NR4A1: variants seen among roughly 807,000 people sequenced by gnomAD.
NR4A1 encodes nuclear receptor subfamily 4 group A member 1.
A neutral mutation model predicts 47.5 loss-of-function variants in NR4A1; 24 were observed. That is an observed-to-expected ratio of 0.50 (90% CI 0.37 to 0.71). The LOEUF (loss-of-function observed/expected upper bound fraction) is 0.71, where lower values mean the gene tolerates loss of function less well. NR4A1 is among the 30% of genes least tolerant of loss of function. The pLI is 0.00. For missense variants in NR4A1, 669 were observed against 788.6 expected, an observed-to-expected ratio of 0.85 and a Z score of 1.82; for synonymous variants, 353 against 345.7, an observed-to-expected ratio of 1.02 and a Z score of -0.24.
intron 1 of NR4A1, among the ~76,000 whole-genome samples, chr12:52,030,247 C>T (rs1218862109): frequency 6.6e-6 from 1 of 152,112 alleles, no homozygotes; most frequent in Non-Finnish European, 1.5e-5. Context: ...AGCTCTGCAG[C>T]AAGCCATGAA....
chr12:52,056,275 C>G, intron 3 of NR4A1, 116 bp downstream of exon 3: 2 of 1,445,732 alleles, frequency 1.4e-6, no homozygotes, highest in Non-Finnish European at 1.8e-6. Flanking sequence ...CTTATTTCCA[C>G]CCCACCTCTG....
In NR4A1 at chr12:52,054,959, C is replaced by G. The variant is rs372050806; in HGVS notation, c.631C>G (p.Pro211Ala). 1.2e-6 allele frequency: 2 copies of G among 1,614,204 alleles called. No homozygotes were observed. Among genetic ancestry groups the G allele is most frequent in the Middle Eastern group, 1.6e-4 (1 of 6,062 alleles). The change falls in exon 2 of 7, where the codon CCC becomes GCC. Residue 211 changes from proline to alanine, a missense_variant. Pro to Ala is a conservative substitution (Grantham distance 27, BLOSUM62 -1). Transcript: ENST00000394825. ...SLAQSPLKLF[P>A]SQATHQLGEG... ...GGCCCAGAGCCCCCTGAAGTTGTTC[C>G]CCTCACAGGCCACCCACCAGCTGGG...
chr12:52,037,702 G>A, intron 1 of NR4A1: 2 of 985,536 alleles, frequency 2.0e-6, no homozygotes, highest in African/African-American at 1.7e-5. Flanking sequence ...CCAGGCCAGA[G>A]AAATTCCTTC....
chr12:52,028,839 G>T (rs1317088632), intron 1 of NR4A1, among the ~76,000 whole-genome samples: 3 of 152,124 alleles, frequency 2.0e-5, no homozygotes, highest in African/African-American at 7.2e-5. Flanking sequence ...GGAAGCGGAG[G>T]TTGCAGTGAG....
chr12:52,043,579 C>T (rs921166712), intron 2 of NR4A1: 1 of 679,474 alleles, frequency 1.5e-6, no homozygotes. Context: ...GGGCTCCCGT[C>T]AGCTGACTAT....
chr12:52,044,224 G>A (rs1302998463), intron 2 of NR4A1, among the ~76,000 whole-genome samples: 3 of 152,220 alleles, frequency 2.0e-5, no homozygotes, highest in Admixed American at 6.5e-5. Context: ...TGGTCACTGC[G>A]GCGAGTTTGG....
chr12:52,048,028 C>T (rs954320515), upstream of NR4A1, among the ~76,000 whole-genome samples: 2 of 151,694 alleles, frequency 1.3e-5, no homozygotes, highest in Non-Finnish European at 2.9e-5. Context: ...GTGGCAGGCA[C>T]CTGTCGTCCC....
chr12:52,045,884 C>A (rs1389253936), intron 2 of NR4A1, among the ~76,000 whole-genome samples: 1 of 152,186 alleles, frequency 6.6e-6, no homozygotes, highest in Non-Finnish European at 1.5e-5. Context: ...CCACGGGAAG[C>A]CCCCAGGGCA....
chr12:52,033,031 G>C (rs1223535970), intron 1 of NR4A1, among the ~76,000 whole-genome samples: 1 of 152,248 alleles, frequency 6.6e-6, no homozygotes, highest in Non-Finnish European at 1.5e-5. Flanking sequence ...CTATTGGTCG[G>C]AGGGGCGGCA....
At chr12:52,040,280 T>A (rs1341567422) in intron 1 of NR4A1, among the ~76,000 whole-genome samples, 1 of 152,184 alleles carries the variant, frequency 6.6e-6, no homozygotes, top group East Asian at 1.9e-4. Context: ...ATGCTATGAA[T>A]CATTTGTGGG....
chr12:52,049,586 T>A (rs1212626892), upstream of NR4A1, among the ~76,000 whole-genome samples: 1 of 151,964 alleles, frequency 6.6e-6, no homozygotes, highest in Admixed American at 6.6e-5. Flanking sequence ...GCCTGGGAGG[T>A]CCAGGCTGCA....
At position 52,056,596 on chromosome 12, in the gene NR4A1, G is replaced by A. The variant is rs144132636; in HGVS notation, c.1109G>A (p.Arg370His). ...GCCAATCTCCTCACTTCCCTGGTCCGTGCACACCTGGACTCAGGGCCCAGC... is the reference window on the plus strand; with the variant it reads ...GCCAATCTCCTCACTTCCCTGGTCCATGCACACCTGGACTCAGGGCCCAGC... ...SPANLLTSLVRAHLDSGPSTA... is the reference protein window; with the variant it reads ...SPANLLTSLVHAHLDSGPSTA... Residue 370 changes from arginine (R) to histidine (H), a missense_variant, in exon 4 of 7, where the codon CGT becomes CAT. Physicochemically the swap from Arg to His is conservative, Grantham distance 29 (BLOSUM62 0). Coordinates refer to ENST00000394825, the MANE Select transcript of NR4A1 (RefSeq NM_173157.3). The A allele has an allele frequency of 9.5e-5, 153 of 1,613,050 alleles. No homozygotes were observed. The highest frequency in any genetic ancestry group is 1.2e-4 in the Non-Finnish European group (147 of 1,179,712).
intron 2 of NR4A1, among the ~76,000 whole-genome samples, chr12:52,042,160 G>A (rs1938464996): frequency 6.6e-6 from 1 of 152,118 alleles, no homozygotes; most frequent in African/African-American, 2.4e-5. Flanking sequence ...ATAGGCTGGA[G>A]GGCTCTCTGG....
chr12:52,050,847 C>T (rs1400463523), upstream of NR4A1, among the ~76,000 whole-genome samples: 1 of 152,228 alleles, frequency 6.6e-6, no homozygotes, highest in African/African-American at 2.4e-5. Context: ...TTGCCCGCCT[C>T]AGCCCGCGGC....
rs1939401078 is a variant in NR4A1, at chr12:52,058,701, G to A, written c.1554G>A (p.Leu518=). 3.1e-6 allele frequency: 5 copies of A among 1,606,308 alleles called. No individual in the cohort carries two copies. The East Asian group carries it at 1.1e-4, about 36-fold the overall frequency. ...CCCTTCCCGCAGACCGGCATGGGCT[G>A]CAGGAGCCGCGGCGGGTGGAGGAGC... ...ALVLITDRHG[L]QEPRRVEELQ... Residue 518 remains leucine (L), a synonymous_variant, in exon 7 of 7, where the codon CTG becomes CTA. Coordinates refer to ENST00000394825, the MANE Select transcript of NR4A1 (RefSeq NM_173157.3).
At chr12:52,052,487 A>G (rs1350620158) in intron 1 of NR4A1, 2 of 985,330 alleles carry the variant, frequency 2.0e-6, no homozygotes, top group East Asian at 1.1e-4. Context: ...TCTCTGTTGG[A>G]TCTTACAGGT....
rs573573395 is a variant in NR4A1 at position 52,043,576 on chromosome 12, C to CG, written c.37+1648dup. ...AGGGTCACGCTCATGCTGGGGCTCC[C>CG]GTCAGCTGACTATTTTGGGCTCTTG... On this transcript the variant is annotated intron_variant, in intron 2 of 7. Transcript: ENST00000360284. The CG allele has an allele frequency of 4.3e-4, 279 of 649,636 alleles. 1 individual carries two copies. Among genetic ancestry groups the CG allele is most frequent in the African/African-American group, 3.0e-3 (154 of 51,644 alleles). 40.2% of individuals were successfully genotyped at this position (649,636 alleles called of 1,614,324 possible). A position where few individuals can be genotyped will look rare whatever the true frequency, so the allele number is the denominator to read the frequency against.
intron 6 of NR4A1, 93 bp from the exon 7 acceptor site, chr12:52,058,595 G>T: frequency 7.0e-7 from 1 of 1,426,696 alleles, no homozygotes; most frequent in Non-Finnish European, 9.3e-7. Flanking sequence ...CATGAGGGGT[G>T]GTCAGGGGCA....
rs1242149608 is a variant in NR4A1 at position 52,056,520 on chromosome 12, C to A, written c.1033C>A (p.Arg345=). ...TGTCCGAACAGACAGCCTGAAGGGG[C>A]GGCGGGGCCGGCTACCTTCAAAACC... ...EVVRTDSLKG[R]RGRLPSKPKQ... is the part of the protein sequence containing the mutation. Residue 345 remains arginine, a synonymous_variant, in exon 4 of 7, where the codon CGG becomes AGG. Transcript: ENST00000394825. 1 of 1,613,122 alleles carries A rather than the reference C, an allele frequency of 6.2e-7. No individual in the cohort carries two copies. The highest frequency in any genetic ancestry group is 8.5e-7 in the Non-Finnish European group (1 of 1,179,726).
Sources: allele counts gnomAD v4.1 joint callset (sites outside exome capture counted in the v4.1 genomes callset), GRCh38; gene constraint gnomAD v4.1.1; transcripts MANE v1.5; gene names NCBI Gene and HGNC (gene_info 2026-07-23, HGNC 2026-07-21).